ATP10B: variants seen among roughly 807,000 people sequenced by gnomAD.
The protein encoded by ATP10B is ATPase phospholipid transporting 10B (putative).
In ATP10B, 122 loss-of-function variants were observed where a neutral mutation model predicts 141.2. That is an observed-to-expected ratio of 0.86 (90% CI 0.75 to 1.00). The LOEUF (loss-of-function observed/expected upper bound fraction) is 1.00, where lower values mean the gene tolerates loss of function less well. ATP10B is among the 50% of genes least tolerant of loss of function. The pLI is 0.00. For synonymous variants in ATP10B, 685 were observed against 692.0 expected (o/e 0.99, Z 0.16); for missense variants, 1,876 against 1,825.3 (o/e 1.03, Z -0.51).
intron 7 of ATP10B, among the ~76,000 whole-genome samples, chr5:160,665,821 T>C (rs1019846216): frequency 4.6e-5 from 7 of 152,196 alleles, no homozygotes; most frequent in Admixed American, 3.3e-4. Context: ...TAGTAATCTC[T>C]GTGGTTAGTA....
chr5:160,880,533 C>T, the ATP10B span, among the ~76,000 whole-genome samples: 2 of 152,124 alleles, frequency 1.3e-5, no homozygotes, highest in Non-Finnish European at 2.9e-5. Context: ...TCAAGACTTA[C>T]TTTAAAGCTA....
intron 2 of ATP10B, among the ~76,000 whole-genome samples, chr5:160,718,457 G>A (rs1431928536): frequency 2.0e-5 from 3 of 152,126 alleles, no homozygotes; most frequent in African/African-American, 7.2e-5. Context: ...ACAATACCAT[G>A]GTCTCAGAAT....
At chr5:160,593,662 C>G (rs4489101) in intron 22 of ATP10B, among the ~76,000 whole-genome samples, 106,854 of 151,994 alleles carry the variant, frequency 0.7, 38,851 homozygotes, top group East Asian at 0.84. Context: ...AAAAACTTTG[C>G]AAAAAATTTA....
chr5:160,791,449 C>T (rs993088949), intron 1 of ATP10B, among the ~76,000 whole-genome samples: 1 of 152,098 alleles, frequency 6.6e-6, no homozygotes, highest in Non-Finnish European at 1.5e-5. Context: ...ATGACAGTGA[C>T]TTGAACACCT....
chr5:160,704,227 T>A lies in ATP10B; in HGVS notation c.-205+12682A>T, dbSNP rs369415663. On this transcript the variant is annotated intron_variant, in intron 3 of 25. Transcript: ENST00000327245. The stretch of plus-strand genomic sequence containing the variant: ...CTACCATGCGTGGCTATTTTTTTTT[T>A]ATTATTATTGTTCGTAGAGACAGTT... Among the ~76,000 whole-genome samples, 4 of 151,988 alleles carry A rather than the reference T, an allele frequency of 2.6e-5. No homozygotes were observed. In the East Asian group the frequency reaches 7.7e-4, roughly 29 times the overall value.
intron 1 of ATP10B, among the ~76,000 whole-genome samples, chr5:160,797,039 G>T (rs755194815): frequency 2.0e-5 from 3 of 152,288 alleles, no homozygotes; most frequent in Non-Finnish European, 2.9e-5. Context: ...GGGCACCCAA[G>T]GGTGGACAGC....
Position 160,832,686 on chromosome 5 carries a change from G to A in ATP10B, c.-576+19255C>T, listed in dbSNP as rs146653170. On this transcript the variant is annotated intron_variant, in intron 1 of 25. Transcript: ENST00000327245. The stretch of plus-strand genomic sequence containing the variant: ...AGAGATAAAGCTAAATAAGCCACAC[G>A]ATTATACTCTAAAAAAACCCTCATC... Among the ~76,000 whole-genome samples, 911 of 152,020 alleles carry A rather than the reference G, an allele frequency of 6.0e-3. 13 individuals carry two copies. The highest frequency in any genetic ancestry group is 0.021 in the African/African-American group (866 of 41,464).
chr5:160,774,928 A>G (rs1468508604), intron 2 of ATP10B, among the ~76,000 whole-genome samples: 3 of 152,166 alleles, frequency 2.0e-5, no homozygotes, highest in Non-Finnish European at 2.9e-5. Context: ...ACTATGAGCC[A>G]TGAATAAAGC....
At chr5:160,894,702 A>C in the ATP10B span, among the ~76,000 whole-genome samples, 1 of 152,150 alleles carries the variant, frequency 6.6e-6, no homozygotes, top group African/African-American at 2.4e-5. Flanking sequence ...AATACTGAGA[A>C]CACCACAAAG....
intron 2 of ATP10B, among the ~76,000 whole-genome samples, chr5:160,732,734 G>A (rs1278631618): frequency 2.6e-5 from 4 of 152,146 alleles, no homozygotes; most frequent in Non-Finnish European, 5.9e-5. Flanking sequence ...GTAGTGGGAT[G>A]CCTCTAGCTG....
chr5:160,857,934 C>T, the ATP10B span, among the ~76,000 whole-genome samples: 1 of 151,434 alleles, frequency 6.6e-6, no homozygotes, highest in Non-Finnish European at 1.5e-5. Context: ...ATATTATTTC[C>T]TGGTATTTGT....
intron 2 of ATP10B, among the ~76,000 whole-genome samples, chr5:160,717,343 G>A (rs911626873): frequency 1.4e-4 from 21 of 152,210 alleles, no homozygotes; most frequent in Non-Finnish European, 2.5e-4. Flanking sequence ...TTGGATAGAG[G>A]GCAAAGCCTG....
At chr5:160,839,371 T>C (rs556992303) in intron 1 of ATP10B, among the ~76,000 whole-genome samples, 1 of 152,222 alleles carries the variant, frequency 6.6e-6, no homozygotes, top group South Asian at 2.1e-4. Flanking sequence ...AGTCAAAAAC[T>C]ATGTTATGAA....
chr5:160,638,216 T>A (rs1014415349), intron 10 of ATP10B, among the ~76,000 whole-genome samples: 1 of 152,232 alleles, frequency 6.6e-6, no homozygotes, highest in Non-Finnish European at 1.5e-5. Flanking sequence ...AGTTGTTAAT[T>A]CAGAATAGAA....
At chr5:160,775,419 A>G (rs1342518661) in intron 2 of ATP10B, among the ~76,000 whole-genome samples, 1 of 152,092 alleles carries the variant, frequency 6.6e-6, no homozygotes, top group Admixed American at 6.5e-5. Flanking sequence ...TTCCTAGTAT[A>G]TATGTTTTTT....
the ATP10B span, among the ~76,000 whole-genome samples, chr5:160,863,763 C>T: frequency 6.6e-6 from 1 of 151,888 alleles, no homozygotes; most frequent in African/African-American, 2.4e-5. Flanking sequence ...AAACTAGAGA[C>T]ATTACAATTG....
intron 1 of ATP10B, among the ~76,000 whole-genome samples, chr5:160,799,777 G>A (rs900327981): frequency 6.6e-6 from 1 of 152,174 alleles, no homozygotes; most frequent in Non-Finnish European, 1.5e-5. Context: ...ACAGCTTTCT[G>A]CAGCCTGGCA....
chr5:160,815,874 A>G (rs1188550937), intron 1 of ATP10B, among the ~76,000 whole-genome samples: 3 of 152,224 alleles, frequency 2.0e-5, no homozygotes, highest in African/African-American at 7.2e-5. Context: ...AAAACCACTC[A>G]ACTACATCGA....
chr5:160,598,426 T>C (rs918585118), intron 22 of ATP10B, among the ~76,000 whole-genome samples: 1 of 151,990 alleles, frequency 6.6e-6, no homozygotes, highest in Admixed American at 6.6e-5. Context: ...TTAGGAGATA[T>C]ACCTAATGCT....
Sources: gnomAD v4.1 joint callset for allele counts (sites outside exome capture counted in the v4.1 genomes callset) on GRCh38, gnomAD v4.1.1 for gene constraint, MANE v1.5 for transcripts, NCBI Gene and HGNC (gene_info 2026-07-23, HGNC 2026-07-21) for gene names.